Variants in ABCB5 observed in about 807,000 individuals in gnomAD.
ABCB5 encodes the protein ATP-binding cassette sub-family B member 5.
Under a neutral mutation model 144.2 loss-of-function variants are expected in ABCB5, and 155 were observed. That is an observed-to-expected ratio of 1.08 (90% CI 0.94 to 1.23). The LOEUF is 1.23. Among genes scored for constraint, ABCB5 ranks in the 50% most tolerant of loss-of-function variants. The pLI is 0.00. For synonymous variants in ABCB5, 610 were observed against 528.6 expected, an observed-to-expected ratio of 1.15 and a Z score of -2.11; for missense variants, 1,830 against 1,520.8, an observed-to-expected ratio of 1.20 and a Z score of -3.38.
At chr7:20,738,195 G>A (rs767524250) in intron 23 of ABCB5, among the ~76,000 whole-genome samples, 2 of 152,154 alleles carry the variant, frequency 1.3e-5, no homozygotes, top group African/African-American at 2.4e-5. Context: ...TGATTGTGCC[G>A]TTAGGTTTGT....
chr7:20,638,451 A>G (rs985210367), intron 5 of ABCB5, among the ~76,000 whole-genome samples: 1 of 152,216 alleles, frequency 6.6e-6, no homozygotes, highest in African/African-American at 2.4e-5. Flanking sequence ...TTGTACAGCC[A>G]TCATCACAAT....
intron 16 of ABCB5, among the ~76,000 whole-genome samples, chr7:20,697,434 T>C (rs1362339515): frequency 6.6e-6 from 1 of 152,230 alleles, no homozygotes; most frequent in East Asian, 1.9e-4. Flanking sequence ...GAATTCACTG[T>C]CTACTTTCCT....
intron 10 of ABCB5, 134 bp downstream of exon 10, chr7:20,647,782 G>C: frequency 1.5e-6 from 2 of 1,371,590 alleles, no homozygotes; most frequent in Non-Finnish European, 2.0e-6. Context: ...GGGAAAGAGA[G>C]ACTGCCTTTA....
chr7:20,665,805 A>ATACT (rs1785171230), intron 14 of ABCB5, among the ~76,000 whole-genome samples: 1 of 151,652 alleles, frequency 6.6e-6, no homozygotes, highest in South Asian at 2.1e-4. Flanking sequence ...ACATACATAC[A>ATACT]TACAGATATA....
chr7:20,703,871 C>A (rs1053354956), intron 19 of ABCB5, among the ~76,000 whole-genome samples: 5 of 152,036 alleles, frequency 3.3e-5, no homozygotes, highest in Admixed American at 1.3e-4. Flanking sequence ...GATTGCATAC[C>A]TCTTAACTTC....
chr7:20,636,782 CAA>C lies in ABCB5; in HGVS notation c.314+4689_314+4690del, dbSNP rs35824075. Among the ~76,000 whole-genome samples, 582 of 74,224 alleles carry C rather than the reference CAA, an allele frequency of 7.8e-3. 4 individuals carry two copies. The highest frequency in any genetic ancestry group is 0.02 in the African/African-American group (506 of 25,114). 48.7% of individuals were successfully genotyped at this position (74,224 alleles called of 152,430 possible). A position where few individuals can be genotyped will look rare whatever the true frequency, so the allele number is the denominator to read the frequency against. The stretch of plus-strand genomic sequence containing the variant: ...CCTCGGCAACAGAGCAAGACTCCAT[CAA>C]AAAAAAAAAAAAAAAAAAAGGAAGG... On this transcript the variant is annotated intron_variant, in intron 5 of 27. Coordinates refer to ENST00000404938, the MANE Select transcript of ABCB5 (RefSeq NM_001163941.2).
intron 19 of ABCB5, among the ~76,000 whole-genome samples, chr7:20,704,115 A>G (rs1420810234): frequency 1.0e-5 from 1 of 99,690 alleles, no homozygotes; most frequent in Non-Finnish European, 1.8e-5. Flanking sequence ...TCACTCTGGC[A>G]TCCGAGCTGG....
At chr7:20,711,466 C>CTTTTTTTT (rs145446888) in intron 20 of ABCB5, among the ~76,000 whole-genome samples, 1 of 135,556 alleles carries the variant, frequency 7.4e-6, no homozygotes. Flanking sequence ...TTCTTTCTTT[C>CTTTTTTTT]TTTTTTTTTT....
chr7:20,722,665 T>TA (rs1033635695), intron 20 of ABCB5, among the ~76,000 whole-genome samples: 2 of 151,776 alleles, frequency 1.3e-5, no homozygotes, highest in Non-Finnish European at 1.5e-5. Context: ...ACTAAAAATA[T>TA]AAAAAAATTA....
chr7:20,656,680 T>C (rs1784802002), intron 13 of ABCB5, among the ~76,000 whole-genome samples: 1 of 132,970 alleles, frequency 7.5e-6, no homozygotes, highest in Non-Finnish European at 1.6e-5. Flanking sequence ...AGTATAATCA[T>C]TCTAGAAAGC....
intron 15 of ABCB5, among the ~76,000 whole-genome samples, chr7:20,683,185 T>C (rs544098446): frequency 1.4e-4 from 22 of 152,288 alleles, no homozygotes; most frequent in African/African-American, 4.6e-4. Flanking sequence ...ACTTTCTCCA[T>C]TGTGCTAAAA....
chr7:20,688,671 T>G (rs1786090487), intron 16 of ABCB5, among the ~76,000 whole-genome samples: 1 of 152,172 alleles, frequency 6.6e-6, no homozygotes, highest in Non-Finnish European at 1.5e-5. Flanking sequence ...CATGCACACG[T>G]ATGTTTATTG....
chr7:20,704,686 A>G (rs1354609453), intron 19 of ABCB5, 38 bp from the exon 20 acceptor site: 9 of 1,558,608 alleles, frequency 5.8e-6, no homozygotes, highest in Non-Finnish European at 6.1e-6. Context: ...AAAAAAAATG[A>G]TTTTTGACAA....
rs1328232711 is a variant in ABCB5 at position 20,623,247 on chromosome 7, G to C, written c.-21-18G>C. ...AAAGTCACATAGCCATAATACATTTGTTAAAATTGTATTTCAGAAGAAGTA... is the reference window on the plus strand; with the variant it reads ...AAAGTCACATAGCCATAATACATTTCTTAAAATTGTATTTCAGAAGAAGTA... On this transcript the variant is annotated intron_variant, in intron 1 of 27. Coordinates refer to ENST00000404938, the MANE Select transcript of ABCB5 (RefSeq NM_001163941.2). 1.5e-6 allele frequency: 2 copies of C among 1,369,312 alleles called. No homozygotes were observed. The highest frequency in any genetic ancestry group is 2.0e-6 in the Non-Finnish European group (2 of 981,904). 84.8% of individuals were successfully genotyped at this position (1,369,312 alleles called of 1,614,324 possible).
intron 16 of ABCB5, 37 bp from the exon 17 acceptor site, chr7:20,698,370 C>T (rs1786495425): frequency 6.5e-7 from 1 of 1,530,804 alleles, no homozygotes; most frequent in Non-Finnish European, 8.8e-7. Context: ...GTTATGCACA[C>T]AAACTGGCAT....
intron 16 of ABCB5, among the ~76,000 whole-genome samples, chr7:20,692,886 T>C (rs1786281639): frequency 6.6e-6 from 1 of 152,146 alleles, no homozygotes; most frequent in Non-Finnish European, 1.5e-5. Flanking sequence ...GGAATCAGTT[T>C]ATCCAGAACT....
At chr7:20,729,894 T>C (rs1320395994) in intron 23 of ABCB5, among the ~76,000 whole-genome samples, 4 of 152,248 alleles carry the variant, frequency 2.6e-5, no homozygotes, top group African/African-American at 4.8e-5. Flanking sequence ...AGGACATTAC[T>C]TTGAATATCC....
chr7:20,720,943 C>CAAAAAAA (rs71020677), intron 20 of ABCB5, among the ~76,000 whole-genome samples: 9 of 71,034 alleles, frequency 1.3e-4, no homozygotes, highest in Admixed American at 2.0e-4. Flanking sequence ...AACTCTGCCT[C>CAAAAAAA]AAAAAAAAAA....
At chr7:20,683,918 A>T (rs944835886) in intron 15 of ABCB5, among the ~76,000 whole-genome samples, 6 of 92,800 alleles carry the variant, frequency 6.5e-5, no homozygotes, top group Non-Finnish European at 1.1e-4. Flanking sequence ...CAATATAGCA[A>T]TGTGGTTAAG....
Sources: allele counts gnomAD v4.1 joint callset (sites outside exome capture counted in the v4.1 genomes callset), GRCh38; gene constraint gnomAD v4.1.1; transcripts MANE v1.5; gene names NCBI Gene and HGNC (gene_info 2026-07-23, HGNC 2026-07-21).